The following AP3S1 variants were observed in gnomAD, a reference collection of about 807,000 sequenced individuals.
AP3S1 encodes adaptor related protein complex 3 subunit sigma 1.
AP3S1 carries 12 observed loss-of-function variants against 21.3 expected under a neutral mutation model. The ratio of observed to expected loss-of-function variants is 0.56; its 90% CI spans 0.36 to 0.91. AP3S1 has a LOEUF of 0.91. Ranked by LOEUF, AP3S1 falls within the 40% of genes least tolerant of loss-of-function variation. The pLI is 0.01. For synonymous variants in AP3S1, 48 were observed against 78.4 expected (o/e 0.61, Z 2.05); for missense variants, 116 against 225.0 (o/e 0.52, Z 3.10).
Position 115,846,325 on chromosome 5 carries a change from A to G in AP3S1, c.69+4219A>G, listed in dbSNP as rs954027109. Among the ~76,000 whole-genome samples the G allele has an allele frequency of 7.2e-5, 11 of 152,214 alleles. 1 individual carries two copies. The highest frequency in any genetic ancestry group is 5.2e-4 in the Admixed American group (8 of 15,282). Reference sequence around the variant, plus strand: ...TGCCTGGCCTGTGAATTACTTTTATAAAGTGGAAATGTCTTTCTTTTGTGT... The same window carrying G: ...TGCCTGGCCTGTGAATTACTTTTATGAAGTGGAAATGTCTTTCTTTTGTGT... On this transcript the variant is annotated intron_variant, in intron 1 of 5. Transcript: ENST00000316788.
chr5:115,864,940 G>A (rs891433281), intron 1 of AP3S1, among the ~76,000 whole-genome samples: 1 of 152,174 alleles, frequency 6.6e-6, no homozygotes, highest in Non-Finnish European at 1.5e-5. Context: ...TAATGACATG[G>A]ACCCTTCTGT....
intron 3 of AP3S1, among the ~76,000 whole-genome samples, chr5:115,879,507 T>C (rs943426433): frequency 6.6e-6 from 1 of 152,202 alleles, no homozygotes; most frequent in Non-Finnish European, 1.5e-5. Context: ...CGTTTATTGA[T>C]TTGCGTATGT....
intron 3 of AP3S1, among the ~76,000 whole-genome samples, chr5:115,894,791 T>C (rs189683305): frequency 1.3e-5 from 2 of 152,320 alleles, no homozygotes; most frequent in Non-Finnish European, 2.9e-5. Context: ...ATAAGGAGGC[T>C]TAGTTGAGTA....
intron 4 of AP3S1, 47 bp downstream of exon 4, chr5:115,895,205 CT>C: frequency 1.5e-6 from 2 of 1,295,244 alleles, no homozygotes; most frequent in Non-Finnish European, 2.1e-6. Flanking sequence ...AAAACATTAA[CT>C]TATAATTGTC....
chr5:115,885,432 A>G (rs558849751), intron 3 of AP3S1, among the ~76,000 whole-genome samples: 1 of 152,314 alleles, frequency 6.6e-6, no homozygotes. Context: ...CAAGAGTCCA[A>G]AGGCTGAAGA....
At chr5:115,898,848 A>T (rs1002754695) in intron 4 of AP3S1, 6 of 152,254 alleles carry the variant, frequency 3.9e-5, no homozygotes, top group Non-Finnish European at 5.9e-5. Flanking sequence ...TTTGTTTCTT[A>T]CTTACACTAT....
At chr5:115,887,933 G>A (rs73780681) in intron 3 of AP3S1, among the ~76,000 whole-genome samples, 63 of 152,208 alleles carry the variant, frequency 4.1e-4, no homozygotes, top group African/African-American at 1.4e-3. Flanking sequence ...CATGGGAAAG[G>A]AGGACTCTTT....
chr5:115,891,813 G>A (rs1750330403), intron 3 of AP3S1, among the ~76,000 whole-genome samples: 2 of 152,192 alleles, frequency 1.3e-5, no homozygotes, highest in Admixed American at 1.3e-4. Flanking sequence ...CAGCCAGGAG[G>A]GAGGCTGTAC....
chr5:115,876,476 A>T (rs1474554709), intron 3 of AP3S1, among the ~76,000 whole-genome samples: 1 of 152,204 alleles, frequency 6.6e-6, no homozygotes, highest in East Asian at 1.9e-4. Flanking sequence ...GTTTTCAGGA[A>T]GGAATTGGAC....
At chr5:115,880,169 A>AT (rs1206519168) in intron 3 of AP3S1, among the ~76,000 whole-genome samples, 2 of 152,160 alleles carry the variant, frequency 1.3e-5, no homozygotes, top group Admixed American at 6.5e-5. Context: ...GGAGTCATTG[A>AT]TTTTTTGAAG....
intron 3 of AP3S1, among the ~76,000 whole-genome samples, chr5:115,872,534 T>A (rs1190801210): frequency 2.6e-5 from 4 of 151,602 alleles, no homozygotes; most frequent in Non-Finnish European, 5.9e-5. Flanking sequence ...TGAGGTAGAA[T>A]ACAAATTTTT....
intron 1 of AP3S1, among the ~76,000 whole-genome samples, chr5:115,866,334 C>T (rs1251358803): frequency 1.3e-5 from 2 of 152,160 alleles, no homozygotes; most frequent in African/African-American, 4.8e-5. Context: ...ATTCAGTTTA[C>T]TCATTTGTAA....
At chr5:115,874,426 C>T (rs1023377976) in intron 3 of AP3S1, among the ~76,000 whole-genome samples, 1 of 151,864 alleles carries the variant, frequency 6.6e-6, no homozygotes, top group Non-Finnish European at 1.5e-5. Context: ...GTTTATTATG[C>T]CAAGCTGATA....
chr5:115,862,983 T>A (rs1214597898), intron 1 of AP3S1, among the ~76,000 whole-genome samples: 1 of 152,170 alleles, frequency 6.6e-6, no homozygotes, highest in Non-Finnish European at 1.5e-5. Context: ...AAATTCATGG[T>A]CAGGCACGGT....
At chr5:115,887,333 T>C (rs185884968) in intron 3 of AP3S1, among the ~76,000 whole-genome samples, 2 of 149,352 alleles carry the variant, frequency 1.3e-5, no homozygotes, top group Admixed American at 1.4e-4. Flanking sequence ...CACTAAAGAC[T>C]TTTCGTATCT....
chr5:115,853,090 A>G (rs969994861), intron 1 of AP3S1: 2 of 437,236 alleles, frequency 4.6e-6, no homozygotes, highest in East Asian at 7.1e-5. Context: ...CATTCCCACC[A>G]ACAATGTCTG....
At chr5:115,907,013 T>C in intron 5 of AP3S1, 1 of 980,332 alleles carries the variant, frequency 1.0e-6, no homozygotes, top group Non-Finnish European at 1.2e-6. Flanking sequence ...TTTCTCCTTG[T>C]AGTTTCTTCA....
At chr5:115,865,141 G>A (rs1763513375) in intron 1 of AP3S1, among the ~76,000 whole-genome samples, 1 of 151,754 alleles carries the variant, frequency 6.6e-6, no homozygotes, top group African/African-American at 2.4e-5. Context: ...CCATACTTAA[G>A]ACAACAAAAC....
chr5:115,878,441 C>CATT (rs60915833), intron 3 of AP3S1, among the ~76,000 whole-genome samples: 58,408 of 151,588 alleles, frequency 0.39, 11,812 homozygotes, highest in African/African-American at 0.49. Context: ...TTCCCAACAT[C>CATT]TATTAAACAG....
Sources: allele counts gnomAD v4.1 joint callset (sites outside exome capture counted in the v4.1 genomes callset), GRCh38; gene constraint gnomAD v4.1.1; transcripts MANE v1.5; gene names NCBI Gene and HGNC (gene_info 2026-07-23, HGNC 2026-07-21).